EPB41L2: variants seen among roughly 807,000 people sequenced by gnomAD.
EPB41L2 encodes the protein band 4.1-like protein 2.
EPB41L2 carries 43 observed loss-of-function variants against 113.0 expected under a neutral mutation model. The ratio of observed to expected loss-of-function variants is 0.38; its 90% CI spans 0.30 to 0.49. The LOEUF is 0.49. Among genes scored for constraint, EPB41L2 ranks in the 20% least tolerant of loss-of-function variants. The pLI, the probability that EPB41L2 is intolerant of heterozygous loss-of-function variation, is 0.95. For missense variants in EPB41L2, 1,147 were observed against 1,223.4 expected, an observed-to-expected ratio of 0.94 and a Z score of 0.93; for synonymous variants, 442 against 436.7, an observed-to-expected ratio of 1.01 and a Z score of -0.15.
chr6:131,042,674 A>AC (rs1249090976), intron 1 of EPB41L2, among the ~76,000 whole-genome samples: 1 of 151,956 alleles, frequency 6.6e-6, no homozygotes, highest in Admixed American at 6.6e-5. Context: ...GAGGGGGAAA[A>AC]AAAGAGTCAC....
chr6:130,850,247 A>G (rs1778400834), intron 19 of EPB41L2, among the ~76,000 whole-genome samples: 1 of 152,206 alleles, frequency 6.6e-6, no homozygotes, highest in African/African-American at 2.4e-5. Context: ...TCAAAAAAAC[A>G]AAGACAAAAA....
chr6:130,965,486 C>A (rs1774862128), intron 1 of EPB41L2, among the ~76,000 whole-genome samples: 2 of 151,868 alleles, frequency 1.3e-5, no homozygotes, highest in Admixed American at 6.6e-5. Context: ...TATCTGAATT[C>A]AAGTAACTTG....
Position 130,880,641 on chromosome 6 carries a change from T to C in EPB41L2, c.1834-435A>G, listed in dbSNP as rs541498416. 29 of 459,464 alleles carry C rather than the reference T, an allele frequency of 6.3e-5. No individual in the cohort carries two copies. The South Asian group carries it at 1.8e-3, about 29-fold the overall frequency. The allele number at this position is 459,464 out of a possible 1,614,324, so 28.5% of individuals were successfully genotyped here. On this transcript the variant is annotated intron_variant, in intron 12 of 19. Transcript: ENST00000337057. ...CTCAGAAGATGCAGAATATTAAGCC[T>C]CTTTGGTCTTTCTTCACCTACAGTG...
At chr6:130,936,881 G>T (rs1323500191) in intron 3 of EPB41L2, among the ~76,000 whole-genome samples, 1 of 152,176 alleles carries the variant, frequency 6.6e-6, no homozygotes, top group Non-Finnish European at 1.5e-5. Context: ...TCTCAAAGCA[G>T]TTCTTAACTC....
chr6:131,050,502 A>T (rs1796303082), intron 1 of EPB41L2, among the ~76,000 whole-genome samples: 1 of 152,234 alleles, frequency 6.6e-6, no homozygotes, highest in Non-Finnish European at 1.5e-5. Flanking sequence ...CACTGATCAC[A>T]TAACAGGCAT....
At chr6:130,914,758 TA>T (rs1192578450) in intron 4 of EPB41L2, among the ~76,000 whole-genome samples, 3 of 151,944 alleles carry the variant, frequency 2.0e-5, no homozygotes, top group Non-Finnish European at 2.9e-5. Context: ...CTTGTTTTAT[TA>T]AAAAAAATAA....
At chr6:131,049,787 C>T (rs1364756282) in intron 1 of EPB41L2, among the ~76,000 whole-genome samples, 2 of 152,178 alleles carry the variant, frequency 1.3e-5, no homozygotes, top group African/African-American at 4.8e-5. Flanking sequence ...GAAGACTGAG[C>T]TCTGTCTACC....
At chr6:130,865,842 G>GT (rs1783578489) in intron 16 of EPB41L2, 1 of 535,690 alleles carries the variant, frequency 1.9e-6, no homozygotes, top group African/African-American at 1.9e-5. Context: ...ACTCAACTGT[G>GT]TGAGTGGAGA....
At chr6:130,862,500 C>T (rs1364709376) in intron 18 of EPB41L2, among the ~76,000 whole-genome samples, 1 of 152,142 alleles carries the variant, frequency 6.6e-6, no homozygotes, top group Non-Finnish European at 1.5e-5. Context: ...AGAATAAATC[C>T]CCTCTGGAAA....
At chr6:130,942,461 G>GTA (rs1282726548) in intron 3 of EPB41L2, among the ~76,000 whole-genome samples, 1 of 152,202 alleles carries the variant, frequency 6.6e-6, no homozygotes, top group Non-Finnish European at 1.5e-5. Flanking sequence ...AAATAAAACA[G>GTA]TAATGATGAC....
chr6:130,936,236 C>T (rs2128574280), intron 3 of EPB41L2, among the ~76,000 whole-genome samples: 1 of 152,270 alleles, frequency 6.6e-6, no homozygotes, highest in East Asian at 1.9e-4. Flanking sequence ...AAATAGCCTG[C>T]TAAATTTGCA....
At chr6:130,970,337 T>A (rs916889754) in intron 1 of EPB41L2, 2 of 152,164 alleles carry the variant, frequency 1.3e-5, no homozygotes, top group Non-Finnish European at 2.9e-5. Flanking sequence ...ATTGGAAAAC[T>A]GTGGAAAGCT....
At chr6:130,842,327 C>CT (rs1775772305) in intron 19 of EPB41L2, among the ~76,000 whole-genome samples, 1 of 151,794 alleles carries the variant, frequency 6.6e-6, no homozygotes, top group Non-Finnish European at 1.5e-5. Flanking sequence ...AATAGAAAGT[C>CT]TTTTTTTAGG....
chr6:130,956,064 A>G lies in EPB41L2; in HGVS notation c.422T>C (p.Val141Ala). ...TGAGGGTTTTTCTTCCTTGACTTCA[A>G]CTTTAATCTCTTGTTTCTTCTGAGC... is the stretch of plus-strand genomic sequence containing the variant. ...EMAQKKQEIK[V>A]EVKEEKPSVS... Residue 141 changes from valine to alanine, a missense_variant, in exon 2 of 20, where the codon GTT becomes GCT. By Grantham distance (64) the Val-to-Ala change is moderately conservative. Transcript: ENST00000337057. 1 of 1,613,900 alleles carries G rather than the reference A, an allele frequency of 6.2e-7. No individual in the cohort carries two copies. The highest frequency in any genetic ancestry group is 1.1e-5 in the South Asian group (1 of 91,062).
chr6:131,033,586 G>T (rs1338532065), intron 1 of EPB41L2, among the ~76,000 whole-genome samples: 1 of 152,170 alleles, frequency 6.6e-6, no homozygotes, highest in African/African-American at 2.4e-5. Context: ...TACATACAAT[G>T]AAATATCATT....
chr6:130,955,466 A>C, intron 2 of EPB41L2, 149 bp from the exon 3 acceptor site: 2 of 832,134 alleles, frequency 2.4e-6, no homozygotes, highest in Non-Finnish European at 3.7e-6. Context: ...TTCCAATAGA[A>C]AGGATATTTC....
At chr6:131,031,563 C>A (rs1792163249) in intron 1 of EPB41L2, among the ~76,000 whole-genome samples, 1 of 152,102 alleles carries the variant, frequency 6.6e-6, no homozygotes, top group Non-Finnish European at 1.5e-5. Flanking sequence ...TTCAAAACTT[C>A]CTAATTTCCT....
intron 11 of EPB41L2, among the ~76,000 whole-genome samples, chr6:130,887,436 T>G (rs1245393618): frequency 6.6e-6 from 1 of 152,238 alleles, no homozygotes. Flanking sequence ...CGCTGTGCTC[T>G]TGCGGGCACA....
At chr6:131,037,692 G>C (rs780040492) in intron 1 of EPB41L2, among the ~76,000 whole-genome samples, 2 of 150,430 alleles carry the variant, frequency 1.3e-5, no homozygotes, top group Non-Finnish European at 1.5e-5. Flanking sequence ...GGGCTCAAGC[G>C]ATTCTCCTGC....
Sources: gnomAD v4.1 joint callset for allele counts (sites outside exome capture counted in the v4.1 genomes callset) on GRCh38, gnomAD v4.1.1 for gene constraint, MANE v1.5 for transcripts, NCBI Gene and HGNC (gene_info 2026-07-23, HGNC 2026-07-21) for gene names.